RP1L1: variants seen among roughly 807,000 people sequenced by gnomAD.
RP1L1 encodes the protein RP1 like 1, also known as retinitis pigmentosa 1-like 1 protein.
RP1L1 carries 27 observed loss-of-function variants against 15.7 expected under a neutral mutation model. The ratio of observed to expected loss-of-function variants is 1.72; its 90% CI spans 1.27 to 2.38. The LOEUF (loss-of-function observed/expected upper bound fraction) is 2.38, where lower values mean the gene tolerates loss of function less well. Ranked by LOEUF, RP1L1 falls within the 30% of genes most tolerant of loss-of-function variation. The probability of loss-of-function intolerance (pLI) is 0.00; values close to 1 mark genes in which losing one functional copy is unlikely to be tolerated. For synonymous variants in RP1L1, 1,813 were observed against 1,276.7 expected, an observed-to-expected ratio of 1.42 and a Z score of -8.96; for missense variants, 4,798 against 3,075.9, an observed-to-expected ratio of 1.56 and a Z score of -13.24.
At position 10,609,602 on chromosome 8, in the gene RP1L1, GC is replaced by G; in HGVS notation, c.4495del (p.Ala1499LeufsTer25). 6.2e-7 allele frequency: 1 copy of G among 1,606,440 alleles called. No individual in the cohort carries two copies. Among genetic ancestry groups the G allele is most frequent in the Non-Finnish European group, 8.5e-7 (1 of 1,179,484 alleles). On this transcript the variant is annotated frameshift_variant, in exon 4 of 4. Transcript: ENST00000382483. LOFTEE classifies it low-confidence loss of function (END_TRUNC). ...GGCCACCGAAGAGCTCCTCTCTGCAGCCCCCTGGGTGGGTTGGGCCTGCGTG... is the reference window on the plus strand; with the variant it reads ...GGCCACCGAAGAGCTCCTCTCTGCAGCCCCTGGGTGGGTTGGGCCTGCGTG... ...EHTQAQPTQG[A>X]AERSSSVACS...
rs939290678 is a variant in RP1L1 at position 10,620,554 on chromosome 8, C to T, written c.609+2039G>A. On this transcript the variant is annotated intron_variant, in intron 2 of 3. Transcript: ENST00000382483. ...CCAGGAGGCAGAGGTTGCAGTGAGCCGAGATCGCGCCACTGCACCCCAGCC... is the reference window on the plus strand; with the variant it reads ...CCAGGAGGCAGAGGTTGCAGTGAGCTGAGATCGCGCCACTGCACCCCAGCC... Among the ~76,000 whole-genome samples, 7 of 152,118 alleles carry T rather than the reference C, an allele frequency of 4.6e-5. No individual in the cohort carries two copies. In the South Asian group the frequency reaches 1.0e-3, roughly 23 times the overall value.
intron 1 of RP1L1, among the ~76,000 whole-genome samples, chr8:10,625,376 G>T (rs1236493615): frequency 2.6e-5 from 4 of 152,158 alleles, no homozygotes; most frequent in Non-Finnish European, 5.9e-5. Flanking sequence ...AGGAACCTGG[G>T]CCTTCGGGAT....
Position 10,613,067 on chromosome 8 carries a change from C to A in RP1L1, c.1031G>T (p.Gly344Val), listed in dbSNP as rs1199598463. 1.9e-6 allele frequency: 3 copies of A among 1,613,722 alleles called. No homozygotes were observed. The Admixed American group carries it at 5.0e-5, about 27-fold the overall frequency. Residue 344 changes from glycine to valine, a missense_variant, in exon 4 of 4, where the codon GGC becomes GTC. By Grantham distance (109) the Gly-to-Val change is moderately radical. Transcript: ENST00000382483. The part of the protein sequence containing the change: ...EDTLLWSRRM[G>V]RASALTAASG... ...GGCTGCCGTGAGGGCGCTGGCCCTG[C>A]CCATCCTCCGGGACCATAGGAGCGT...
chr8:10,636,234 G>A (rs1585994005), intron 1 of RP1L1, among the ~76,000 whole-genome samples: 1 of 152,156 alleles, frequency 6.6e-6, no homozygotes, highest in Non-Finnish European at 1.5e-5. Flanking sequence ...CCAATATCTT[G>A]GCTTTAAAGA....
intron 2 of RP1L1, chr8:10,621,514 T>C (rs1264121440): frequency 8.7e-6 from 3 of 343,054 alleles, no homozygotes; most frequent in African/African-American, 6.5e-5. Context: ...TTAGTAGATA[T>C]AGGGTTTCGC....
intron 1 of RP1L1, 44 bp from the exon 2 acceptor site, chr8:10,623,264 G>A (rs1385837173): frequency 3.5e-6 from 5 of 1,427,614 alleles, no homozygotes; most frequent in South Asian, 1.4e-5. Context: ...CAGCTTGGGG[G>A]ATTGGCATTT....
At chr8:10,654,017 G>A (rs1275803994) in intron 1 of RP1L1, among the ~76,000 whole-genome samples, 1 of 152,176 alleles carries the variant, frequency 6.6e-6, no homozygotes, top group Non-Finnish European at 1.5e-5. Flanking sequence ...TGAGCTGGCT[G>A]TGGGGCATGG....
At chr8:10,644,710 G>A (rs1224778149) in intron 1 of RP1L1, among the ~76,000 whole-genome samples, 3 of 152,190 alleles carry the variant, frequency 2.0e-5, no homozygotes, top group Non-Finnish European at 4.4e-5. Context: ...GAGGAGCCCT[G>A]AAGCCACACC....
chr8:10,643,502 C>G (rs571345194), intron 1 of RP1L1, among the ~76,000 whole-genome samples: 1 of 152,232 alleles, frequency 6.6e-6, no homozygotes, highest in East Asian at 1.9e-4. Context: ...TAAATTACCT[C>G]AAGATTCAGG....
chr8:10,651,001 T>A (rs1423456581), intron 1 of RP1L1, among the ~76,000 whole-genome samples: 1 of 152,244 alleles, frequency 6.6e-6, no homozygotes, highest in Non-Finnish European at 1.5e-5. Flanking sequence ...AAGCTGCTAA[T>A]AGCTGTAGTG....
chr8:10,615,332 A>G (rs957236596), intron 3 of RP1L1, among the ~76,000 whole-genome samples: 2 of 152,200 alleles, frequency 1.3e-5, no homozygotes, highest in African/African-American at 4.8e-5. Context: ...GTGTAGTTTT[A>G]AAAAAATAAC....
chr8:10,634,957 C>T (rs1331919924), intron 1 of RP1L1, among the ~76,000 whole-genome samples: 3 of 152,198 alleles, frequency 2.0e-5, no homozygotes, highest in Non-Finnish European at 4.4e-5. Flanking sequence ...AGAAATGCAT[C>T]CACCACAACC....
chr8:10,611,771 AT>A lies in RP1L1; in HGVS notation c.2326del (p.Ile776TyrfsTer153), dbSNP rs1341413226. On this transcript the variant is annotated frameshift_variant, in exon 4 of 4. Coordinates refer to ENST00000382483, the MANE Select transcript of RP1L1 (RefSeq NM_178857.6). LOFTEE classifies it low-confidence loss of function (END_TRUNC). The stretch of plus-strand genomic sequence containing the variant: ...GCAGGAGTCGGATGTGTGGGGAGGT[AT>A]GGGGGCCGGCGAGCATGTCCTGGAC... ...AGSRTCSPAP[I>X]PPHTSDSCSK... 5.0e-6 allele frequency: 8 copies of A among 1,613,396 alleles called. No individual in the cohort carries two copies. Among genetic ancestry groups the A allele is most frequent in the African/African-American group, 1.3e-5 (1 of 74,918 alleles).
intron 1 of RP1L1, among the ~76,000 whole-genome samples, chr8:10,636,207 C>T (rs530772046): frequency 6.6e-6 from 1 of 152,298 alleles, no homozygotes; most frequent in East Asian, 1.9e-4. Flanking sequence ...GGGTCTATAA[C>T]AAGAGTTCCA....
At chr8:10,617,884 A>G (rs1797996730) in intron 2 of RP1L1, among the ~76,000 whole-genome samples, 1 of 152,076 alleles carries the variant, frequency 6.6e-6, no homozygotes. Context: ...GACGAGGTCC[A>G]TTTCTTCTTT....
chr8:10,617,878 A>C (rs1341116864), intron 2 of RP1L1, among the ~76,000 whole-genome samples: 2 of 152,234 alleles, frequency 1.3e-5, no homozygotes, highest in East Asian at 3.9e-4. Flanking sequence ...TTAAATGACG[A>C]GGTCCATTTC....
At chr8:10,641,640 G>A (rs1310327413) in intron 1 of RP1L1, among the ~76,000 whole-genome samples, 1 of 152,196 alleles carries the variant, frequency 6.6e-6, no homozygotes, top group Non-Finnish European at 1.5e-5. Context: ...TGGACCATGT[G>A]ATTGAGCACT....
intron 1 of RP1L1, among the ~76,000 whole-genome samples, chr8:10,623,422 C>T (rs1188185090): frequency 6.6e-6 from 1 of 152,144 alleles, no homozygotes; most frequent in Non-Finnish European, 1.5e-5. Flanking sequence ...AAACTCCAGC[C>T]CCGTGAATTG....
At chr8:10,647,987 A>T (rs1798503944) in intron 1 of RP1L1, among the ~76,000 whole-genome samples, 1 of 151,516 alleles carries the variant, frequency 6.6e-6, no homozygotes, top group South Asian at 2.1e-4. Flanking sequence ...GATTCTCCAC[A>T]TCCTCACTAG....
Sources: gnomAD v4.1 joint callset for allele counts (sites outside exome capture counted in the v4.1 genomes callset) on GRCh38, gnomAD v4.1.1 for gene constraint, MANE v1.5 for transcripts, NCBI Gene and HGNC (gene_info 2026-07-23, HGNC 2026-07-21) for gene names.